PIP5K1B: variants seen among roughly 807,000 people sequenced by gnomAD.
The protein encoded by PIP5K1B is phosphatidylinositol 4-phosphate 5-kinase type-1 beta.
In PIP5K1B, 42 loss-of-function variants were observed where a neutral mutation model predicts 67.0. That is an observed-to-expected ratio of 0.63 (90% CI 0.49 to 0.81). PIP5K1B has a LOEUF of 0.81. Among genes scored for constraint, PIP5K1B ranks in the 30% least tolerant of loss-of-function variants. PIP5K1B has a pLI of 0.00. For missense variants in PIP5K1B, 459 were observed against 646.3 expected, an observed-to-expected ratio of 0.71 and a Z score of 3.14; for synonymous variants, 214 against 231.4, an observed-to-expected ratio of 0.92 and a Z score of 0.68.
intron 15 of PIP5K1B, among the ~76,000 whole-genome samples, chr9:68,991,629 C>G (rs146053756): frequency 6.6e-6 from 1 of 152,106 alleles, no homozygotes; most frequent in Non-Finnish European, 1.5e-5. Flanking sequence ...GTTAGTAGGC[C>G]GAGAGGCGCA....
chr9:68,820,973 A>C (rs887195271), intron 3 of PIP5K1B, among the ~76,000 whole-genome samples: 15 of 152,232 alleles, frequency 9.9e-5, no homozygotes, highest in African/African-American at 3.6e-4. Context: ...CATAATTATG[A>C]AACAAGTTAA....
At chr9:68,856,282 C>A (rs1011732320) in intron 4 of PIP5K1B, among the ~76,000 whole-genome samples, 1 of 152,168 alleles carries the variant, frequency 6.6e-6, no homozygotes, top group African/African-American at 2.4e-5. Flanking sequence ...AAATCAACTC[C>A]CCTAATTTCC....
chr9:68,864,163 A>G (rs903506772), intron 5 of PIP5K1B, among the ~76,000 whole-genome samples, 196 bp downstream of exon 5: 2 of 152,148 alleles, frequency 1.3e-5, no homozygotes, highest in African/African-American at 4.8e-5. Flanking sequence ...TTATGTGGAG[A>G]TGGTAAATAG....
At chr9:68,725,957 T>C (rs1305830796) in intron 1 of PIP5K1B, among the ~76,000 whole-genome samples, 1 of 152,234 alleles carries the variant, frequency 6.6e-6, no homozygotes, top group Non-Finnish European at 1.5e-5. Context: ...ATTAGTGTTT[T>C]ACTTGGTGCT....
chr9:68,926,091 T>G (rs1826686241), intron 12 of PIP5K1B, among the ~76,000 whole-genome samples: 1 of 151,838 alleles, frequency 6.6e-6, no homozygotes, highest in African/African-American at 2.4e-5. Flanking sequence ...CACCGCGCCC[T>G]GCTGTGTTTC....
chr9:68,924,452 A>G (rs1335827533), intron 12 of PIP5K1B, among the ~76,000 whole-genome samples: 1 of 150,704 alleles, frequency 6.6e-6, no homozygotes, highest in Non-Finnish European at 1.5e-5. Flanking sequence ...TCAAATCTAT[A>G]CCCTAACTTT....
intron 14 of PIP5K1B, among the ~76,000 whole-genome samples, chr9:68,955,085 A>G (rs1828316488): frequency 6.6e-6 from 1 of 152,256 alleles, no homozygotes. Context: ...AGGAAAAATG[A>G]CTTGCCTGGA....
At chr9:68,808,389 C>A (rs1018996544) in intron 2 of PIP5K1B, among the ~76,000 whole-genome samples, 2 of 152,002 alleles carry the variant, frequency 1.3e-5, no homozygotes. Context: ...CTAATTACTC[C>A]CCCCGACTCC....
At chr9:68,838,453 T>C (rs929458177) in intron 4 of PIP5K1B, among the ~76,000 whole-genome samples, 2 of 152,214 alleles carry the variant, frequency 1.3e-5, no homozygotes, top group Non-Finnish European at 2.9e-5. Flanking sequence ...TAAATAAAAA[T>C]CCCTTGGTCA....
chr9:68,754,567 C>T (rs939939890), intron 2 of PIP5K1B, among the ~76,000 whole-genome samples: 3 of 151,790 alleles, frequency 2.0e-5, no homozygotes, highest in Admixed American at 6.6e-5. Flanking sequence ...GAATTTTTAC[C>T]CCATTTTATT....
At chr9:68,789,162 C>T in intron 2 of PIP5K1B, 1 of 576,492 alleles carries the variant, frequency 1.7e-6, no homozygotes, top group South Asian at 1.5e-5. Context: ...AGTACCTCGC[C>T]AAGGCACCAT....
intron 14 of PIP5K1B, among the ~76,000 whole-genome samples, chr9:68,978,027 T>C (rs1829713285): frequency 6.6e-6 from 1 of 152,186 alleles, no homozygotes; most frequent in Non-Finnish European, 1.5e-5. Flanking sequence ...CCCAGCTTTA[T>C]TGAGGTATAC....
At chr9:68,771,517 CA>C (rs1421154559) in intron 2 of PIP5K1B, among the ~76,000 whole-genome samples, 1 of 152,180 alleles carries the variant, frequency 6.6e-6, no homozygotes, top group South Asian at 2.1e-4. Context: ...CCCCTGGGCT[CA>C]AATTCCTCTA....
At chr9:68,898,464 G>A (rs1229961371) in intron 8 of PIP5K1B, among the ~76,000 whole-genome samples, 1 of 152,100 alleles carries the variant, frequency 6.6e-6, no homozygotes, top group Non-Finnish European at 1.5e-5. Flanking sequence ...GTGACATTGA[G>A]TACTACAAAG....
At chr9:68,864,802 T>C (rs2132267555) in intron 5 of PIP5K1B, among the ~76,000 whole-genome samples, 1 of 143,842 alleles carries the variant, frequency 7.0e-6, no homozygotes, top group East Asian at 2.1e-4. Context: ...ATTTGGGGAC[T>C]TGTCTTTGGA....
At chr9:68,741,193 T>C (rs1015606762) in intron 1 of PIP5K1B, among the ~76,000 whole-genome samples, 1 of 152,220 alleles carries the variant, frequency 6.6e-6, no homozygotes, top group South Asian at 2.1e-4. Context: ...ACAGTGTGTG[T>C]ACATACATTT....
chr9:68,763,463 A>T (rs1054260399), intron 2 of PIP5K1B, among the ~76,000 whole-genome samples: 3 of 152,108 alleles, frequency 2.0e-5, no homozygotes, highest in Non-Finnish European at 4.4e-5. Flanking sequence ...AAAAGCACTC[A>T]ACGAATGTCA....
At chr9:68,912,120 C>T (rs1207789160) in intron 8 of PIP5K1B, among the ~76,000 whole-genome samples, 1 of 152,082 alleles carries the variant, frequency 6.6e-6, no homozygotes, top group African/African-American at 2.4e-5. Context: ...GCTGAAATAC[C>T]CCCCAGTCGA....
intron 14 of PIP5K1B, among the ~76,000 whole-genome samples, chr9:68,941,575 TATAAAA>T (rs1204222922): frequency 6.6e-6 from 1 of 152,216 alleles, no homozygotes; most frequent in African/African-American, 2.4e-5. Context: ...TATGAAGTGT[TATAAAA>T]ATAGAAACAA....
Sources: gnomAD v4.1 joint callset for allele counts (sites outside exome capture counted in the v4.1 genomes callset) on GRCh38, gnomAD v4.1.1 for gene constraint, MANE v1.5 for transcripts, NCBI Gene and HGNC (gene_info 2026-07-23, HGNC 2026-07-21) for gene names.